The following RPL23 variants were observed in gnomAD, a reference collection of about 807,000 sequenced individuals.
RPL23 encodes the protein ribosomal protein L23.
For missense variants in RPL23, 79 were observed against 178.8 expected (o/e 0.44, Z 3.18); for synonymous variants, 63 against 65.3 (o/e 0.97, Z 0.17).
intron 1 of RPL23, 81 bp downstream of exon 1, chr17:38,853,617 T>G (rs2143684453): frequency 1.3e-6 from 2 of 1,565,530 alleles, no homozygotes; most frequent in East Asian, 2.2e-5. Context: ...GCGCCCCAGC[T>G]GCCTAGGGCC....
At chr17:38,850,668 A>AT (rs34258429) in intron 3 of RPL23, 193 bp from the exon 4 acceptor site, 5,566 of 401,652 alleles carry the variant, frequency 0.014, no homozygotes, top group South Asian at 0.026. Flanking sequence ...CCATGCCCAG[A>AT]TTTTTTTTTT....
At chr17:38,853,153 G>T in intron 1 of RPL23, 48 bp from the exon 2 acceptor site, 1 of 1,468,566 alleles carries the variant, frequency 6.8e-7, no homozygotes, top group Non-Finnish European at 9.5e-7. Context: ...TCACAATCTA[G>T]ACATGGTTCG....
At chr17:38,853,216 G>C (rs1486084051) in intron 1 of RPL23, 111 bp from the exon 2 acceptor site, 3 of 819,072 alleles carry the variant, frequency 3.7e-6, no homozygotes, top group Non-Finnish European at 6.2e-6. Context: ...TTGATAGACT[G>C]TACGCTATAG....
At position 38,850,490 on chromosome 17, in the gene RPL23, A is replaced by T. The variant is rs779143380; in HGVS notation, c.227-15T>A. On this transcript the variant is annotated splice_polypyrimidine_tract_variant and intron_variant, in intron 3 of 4. Coordinates refer to ENST00000479035, the MANE Select transcript of RPL23 (RefSeq NM_000978.4). ...TGCTGGATGTACTGAGAGAAGAAAA[A>T]AGGACAGCAGTCATTAACCTGTCAA... 2 of 1,584,210 alleles carry T rather than the reference A, an allele frequency of 1.3e-6. No homozygotes were observed. Among genetic ancestry groups the T allele is most frequent in the Non-Finnish European group, 8.7e-7 (1 of 1,153,096 alleles).
At chr17:38,850,537 C>T (rs1053856749) in intron 3 of RPL23, 62 bp from the exon 4 acceptor site, 2 of 1,050,374 alleles carry the variant, frequency 1.9e-6, no homozygotes, top group Admixed American at 3.5e-5. Flanking sequence ...ACCACAAAAG[C>T]AGTTTCCAAC....
At chr17:38,852,819 C>T (rs1239179) in intron 2 of RPL23, 87 bp from the exon 3 acceptor site, 282,417 of 1,585,062 alleles carry the variant, frequency 0.18, 28,053 homozygotes, top group Non-Finnish European at 0.2. Context: ...ACTTCCAAAG[C>T]CCCTCCCTCC....
chr17:38,853,051 C>T lies in RPL23; in HGVS notation c.68G>A (p.Gly23Glu). ...GTTGTCAGCACAATTGATTACAGCT[C>T]CTACCGGAAGACCCAAGGAAATCCG... is the stretch of plus-strand genomic sequence containing the variant. ...KFRISLGLPV[G>E]AVINCADNTG... is the part of the protein sequence containing the mutation. Residue 23 changes from glycine to glutamate, a missense_variant, in exon 2 of 5, where the codon GGA (glycine) becomes GAA (glutamate). Coordinates refer to ENST00000479035, the MANE Select transcript of RPL23 (RefSeq NM_000978.4). 1 of 1,614,166 alleles carries T rather than the reference C, an allele frequency of 6.2e-7. No homozygotes were observed. The highest frequency in any genetic ancestry group is 8.5e-7 in the Non-Finnish European group (1 of 1,180,038).
chr17:38,853,482 C>T lies in RPL23; in HGVS notation c.13+216G>A, dbSNP rs150034505. ...TATTCGCGGAGCGATCTCGCGGTAT[C>T]CAGACTACATTCACGTCGGGATCCT... is the stretch of plus-strand genomic sequence containing the variant. On this transcript the variant is annotated intron_variant, in intron 1 of 4. Transcript: ENST00000479035. 883 of 723,824 alleles carry T rather than the reference C, an allele frequency of 1.2e-3. 8 individuals carry two copies. In the African/African-American group the frequency reaches 0.014, roughly 12 times the overall value. The allele number at this position is 723,824 out of a possible 1,614,324, so 44.8% of individuals were successfully genotyped here.
In RPL23 at chr17:38,849,963, CA is replaced by C; in HGVS notation, c.*168del. On this transcript the variant is annotated 3_prime_UTR_variant, in exon 5 of 5. Transcript: ENST00000479035. ...TGAAACCCTGTCTCCACCAAAAATA[CA>C]AAAACTAGCCAGGCATGACGGCAGG... 3.7e-6 allele frequency: 2 copies of C among 533,700 alleles called. No homozygotes were observed. The highest frequency in any genetic ancestry group is 6.5e-6 in the Non-Finnish European group (2 of 307,052). The allele number at this position is 533,700 out of a possible 1,614,324, so 33.1% of individuals were successfully genotyped here.
chr17:38,848,142 C>A lies in RPL23; in HGVS notation c.*1990G>T. The A allele has an allele frequency of 7.3e-7, 1 of 1,371,052 alleles. No homozygotes were observed. The highest frequency in any genetic ancestry group is 1.5e-5 in the African/African-American group (1 of 67,790). The allele number at this position is 1,371,052 out of a possible 1,614,324, so 84.9% of individuals were successfully genotyped here. A position where few individuals can be genotyped will look rare whatever the true frequency, so the allele number is the denominator to read the frequency against. ...CATATATTGCCATAATATATAAAGA[C>A]ATAAATGGTGGGCCTAGGGGCTTGT... On this transcript the variant is annotated 3_prime_UTR_variant, in exon 5 of 5. Coordinates refer to ENST00000479035, the MANE Select transcript of RPL23 (RefSeq NM_000978.4).
chr17:38,850,668 ATT>A (rs34258429), intron 3 of RPL23, 193 bp from the exon 4 acceptor site: 184,514 of 399,968 alleles, frequency 0.46, 29,925 homozygotes, highest in Admixed American at 0.6. Flanking sequence ...CCATGCCCAG[ATT>A]TTTTTTTTTT....
chr17:38,852,548 A>C (rs887623401), intron 3 of RPL23, 56 bp downstream of exon 3: 1 of 1,588,364 alleles, frequency 6.3e-7, no homozygotes, highest in African/African-American at 1.4e-5. Flanking sequence ...TTTCCAATAA[A>C]GGAAAGCGTC....
At chr17:38,852,406 A>C (rs1424743291) in intron 3 of RPL23, 198 bp downstream of exon 3, 2 of 617,692 alleles carry the variant, frequency 3.2e-6, no homozygotes, top group Non-Finnish European at 5.5e-6. Context: ...ACAACAACAA[A>C]AAAACAACTA....
intron 2 of RPL23, 25 bp downstream of exon 2, chr17:38,852,997 G>A (rs1913049399): frequency 6.2e-7 from 1 of 1,603,418 alleles, no homozygotes; most frequent in South Asian, 1.1e-5. Flanking sequence ...AAAAGGGGGA[G>A]TATAGCAACG....
chr17:38,850,183 C>G lies in RPL23; in HGVS notation c.372G>C (p.Glu124Asp). ...GSAITGPVAKECADLWPRIAS... is the reference protein window; with the variant it reads ...GSAITGPVAKDCADLWPRIAS... ...CAATCCGGGGCCACAAGTCTGCACACTCCTTTGCTACTGGTCCTGTAATGG... is the reference window on the plus strand; with the variant it reads ...CAATCCGGGGCCACAAGTCTGCACAGTCCTTTGCTACTGGTCCTGTAATGG... Residue 124 changes from glutamate to aspartate, a missense_variant, in exon 5 of 5, where the codon GAG (glutamate) becomes GAC (aspartate). Glu to Asp is a conservative substitution (Grantham distance 45, BLOSUM62 2). Coordinates refer to ENST00000479035, the MANE Select transcript of RPL23 (RefSeq NM_000978.4). 6.2e-7 allele frequency: 1 copy of G among 1,607,064 alleles called. No homozygotes were observed. The highest frequency in any genetic ancestry group is 8.5e-7 in the Non-Finnish European group (1 of 1,178,062).
At position 38,852,609 on chromosome 17, in the gene RPL23, T is replaced by C; in HGVS notation, c.221A>G (p.Lys74Arg). The C allele has an allele frequency of 1.2e-6, 2 of 1,612,288 alleles. No individual in the cohort carries two copies. The highest frequency in any genetic ancestry group is 1.7e-6 in the Non-Finnish European group (2 of 1,180,020). ...TVKKGKPELR[K>R]KVHPAVVIRQ... Reference sequence around the variant, plus strand: ...TGGGCTCAGTGTTTACTCACCCTTTTTTCTGAGCTCTGGTTTGCCTTTCTT... The same window carrying C: ...TGGGCTCAGTGTTTACTCACCCTTTCTTCTGAGCTCTGGTTTGCCTTTCTT... The change falls in exon 3 of 5, where the codon AAA (lysine) becomes AGA (arginine). Residue 74 changes from lysine to arginine, a missense_variant. Lys to Arg is a conservative substitution (Grantham distance 26). Transcript: ENST00000479035.
In RPL23 at chr17:38,849,693, G is replaced by C. The variant is rs935682281; in HGVS notation, c.*439C>G. On this transcript the variant is annotated 3_prime_UTR_variant, in exon 5 of 5. Coordinates refer to ENST00000479035, the MANE Select transcript of RPL23 (RefSeq NM_000978.4). ...ACCATGTATAGCCAGTCATTGAGCA[G>C]TATCTACTATTATTTTTGGGACTCA... 1 of 157,800 alleles carries C rather than the reference G, an allele frequency of 6.3e-6. No individual in the cohort carries two copies. Among genetic ancestry groups the C allele is most frequent in the Non-Finnish European group, 1.4e-5 (1 of 71,788 alleles). 9.8% of individuals were successfully genotyped at this position (157,800 alleles called of 1,614,324 possible).
chr17:38,853,009 G>A lies in RPL23; in HGVS notation c.97+13C>T, dbSNP rs538144057. ...TTTAAAAGGGGGAGTATAGCAACGTGCAAAGACCTCACCTGTGTTGTCAGC... is the reference window on the plus strand; with the variant it reads ...TTTAAAAGGGGGAGTATAGCAACGTACAAAGACCTCACCTGTGTTGTCAGC... On this transcript the variant is annotated intron_variant, in intron 2 of 4. Coordinates refer to ENST00000479035, the MANE Select transcript of RPL23 (RefSeq NM_000978.4). 1.2e-6 allele frequency: 2 copies of A among 1,612,562 alleles called. No homozygotes were observed. Among genetic ancestry groups the A allele is most frequent in the South Asian group, 2.2e-5 (2 of 91,046 alleles).
chr17:38,852,827 T>G, intron 2 of RPL23, 95 bp from the exon 3 acceptor site: 1 of 1,561,674 alleles, frequency 6.4e-7, no homozygotes, highest in Non-Finnish European at 8.8e-7. Flanking sequence ...AGCCCCTCCC[T>G]CCACTCACTG....
Sources: allele counts gnomAD v4.1 joint callset, GRCh38; gene constraint gnomAD v4.1.1; transcripts MANE v1.5; gene names NCBI Gene and HGNC (gene_info 2026-07-23, HGNC 2026-07-21).